The following CAMK4 variants were observed in gnomAD, a reference collection of about 807,000 sequenced individuals.
CAMK4 encodes the protein calcium/calmodulin dependent protein kinase IV.
In CAMK4, 22 loss-of-function variants were observed where a neutral mutation model predicts 44.9. The observed-to-expected ratio is 0.49, with a 90% CI of 0.35 to 0.70. CAMK4 has a LOEUF of 0.70. CAMK4 is among the 30% of genes least tolerant of loss of function. CAMK4 has a pLI of 0.01. For missense variants in CAMK4, 498 were observed against 586.8 expected (o/e 0.85, Z 1.56); for synonymous variants, 218 against 215.4 (o/e 1.01, Z -0.11).
chr5:111,265,762 G>C (rs1344057011), intron 1 of CAMK4: 1 of 152,172 alleles, frequency 6.6e-6, no homozygotes, highest in Admixed American at 6.5e-5. Context: ...GAGGGATCCA[G>C]AGAAGGAAGC....
rs1755952751 is a variant in CAMK4, at chr5:111,493,829, C to T, written c.*9363C>T. 6.6e-6 allele frequency: 1 copy of T among 152,070 alleles called. No homozygotes were observed. The highest frequency in any genetic ancestry group is 2.1e-4 in the South Asian group (1 of 4,828). 9.4% of individuals were successfully genotyped at this position (152,070 alleles called of 1,614,324 possible). On this transcript the variant is annotated 3_prime_UTR_variant, in exon 11 of 11. Coordinates refer to ENST00000282356, the MANE Select transcript of CAMK4 (RefSeq NM_001744.6). This position sits in a 1 kb window ranked among gnomAD's most constrained non-coding sequence, Gnocchi z 4.1. The stretch of plus-strand genomic sequence containing the variant: ...TCTTGCCTCTTTATTTCAGATAATG[C>T]CTGTGATTAGTGAATGGCGGCATTA...
intron 1 of CAMK4, among the ~76,000 whole-genome samples, chr5:111,337,080 A>G (rs1237887376): frequency 6.6e-6 from 1 of 151,212 alleles, no homozygotes; most frequent in Admixed American, 6.6e-5. Flanking sequence ...AAATAGTTCT[A>G]TCATGTGAAA....
chr5:111,293,459 T>C (rs1018706998), intron 1 of CAMK4, among the ~76,000 whole-genome samples: 2 of 151,818 alleles, frequency 1.3e-5, no homozygotes, highest in Admixed American at 6.6e-5. Context: ...TGGAGTCTCA[T>C]CCTGTTGCCC....
chr5:111,327,333 T>A (rs1190993100), intron 1 of CAMK4, among the ~76,000 whole-genome samples: 3 of 151,094 alleles, frequency 2.0e-5, no homozygotes, highest in Non-Finnish European at 3.0e-5. Flanking sequence ...GCAAAGGACA[T>A]GAACTCATCA....
chr5:111,482,711 G>T lies in CAMK4; in HGVS notation c.829-74G>T, dbSNP rs923870772. The T allele has an allele frequency of 4.9e-5, 60 of 1,233,630 alleles. No homozygotes were observed. The African/African-American group carries it at 8.1e-4, about 17-fold the overall frequency. 76.4% of individuals were successfully genotyped at this position (1,233,630 alleles called of 1,614,324 possible). ...CTGCTGGGAAATGGAATAAGATCTG[G>T]AAGTTTGTAAGCTGAGGGCAAGCCC... On this transcript the variant is annotated intron_variant, in intron 9 of 10. Coordinates refer to ENST00000282356, the MANE Select transcript of CAMK4 (RefSeq NM_001744.6). The surrounding 1 kb of genome is among the most constrained non-coding windows in gnomAD (Gnocchi z 4.9).
intron 1 of CAMK4, among the ~76,000 whole-genome samples, chr5:111,292,338 G>C (rs1053404637): frequency 5.9e-5 from 9 of 152,010 alleles, no homozygotes; most frequent in African/African-American, 2.2e-4. Context: ...GCCACAGATT[G>C]TTAAATAAAA....
chr5:111,244,257 T>C (rs916521471), intron 1 of CAMK4, among the ~76,000 whole-genome samples: 1 of 152,250 alleles, frequency 6.6e-6, no homozygotes, highest in African/African-American at 2.4e-5. Context: ...CTACCTTGTA[T>C]GTTTTGCTTA....
At chr5:111,358,519 C>T (rs1298073715) in intron 2 of CAMK4, among the ~76,000 whole-genome samples, 1 of 151,360 alleles carries the variant, frequency 6.6e-6, no homozygotes, top group Non-Finnish European at 1.5e-5. Flanking sequence ...GGATGTTTTT[C>T]CCCGACACAA....
intron 5 of CAMK4, among the ~76,000 whole-genome samples, chr5:111,426,861 A>T (rs763620844): frequency 8.5e-5 from 13 of 152,186 alleles, no homozygotes; most frequent in Non-Finnish European, 1.5e-4. Context: ...TTGAGTTTCC[A>T]CAAACCTCAT....
rs1293377641 is a variant in CAMK4 at position 111,316,154 on chromosome 5, T to C, written c.162-27870T>C. On this transcript the variant is annotated intron_variant, in intron 1 of 10. Transcript: ENST00000282356. Reference sequence around the variant, plus strand: ...AATAATTTCTAATCACATCAAAGCTTTGACATGTGGCCTAATACTCTAATC... The same window carrying C: ...AATAATTTCTAATCACATCAAAGCTCTGACATGTGGCCTAATACTCTAATC... 2.0e-5 allele frequency among the ~76,000 whole-genome samples: 3 copies of C among 152,168 alleles called. No individual in the cohort carries two copies. In the East Asian group the frequency reaches 5.8e-4, roughly 29 times the overall value.
intron 9 of CAMK4, among the ~76,000 whole-genome samples, chr5:111,481,314 C>T (rs960728801): frequency 6.6e-6 from 1 of 151,996 alleles, no homozygotes; most frequent in African/African-American, 2.4e-5. Context: ...TATTAGTAGT[C>T]CTGTTCAACG....
At chr5:111,399,272 A>C (rs1752136433) in intron 5 of CAMK4, among the ~76,000 whole-genome samples, 1 of 151,918 alleles carries the variant, frequency 6.6e-6, no homozygotes, top group African/African-American at 2.4e-5. Flanking sequence ...GGAGCTCTTC[A>C]TGTCTTTCTA....
chr5:111,305,151 T>G (rs1385836670), intron 1 of CAMK4, among the ~76,000 whole-genome samples: 3 of 97,876 alleles, frequency 3.1e-5, no homozygotes, highest in Admixed American at 1.1e-4. Context: ...GCAGGAAAGA[T>G]CCAAAATTGA....
rs1440127361 is a variant in CAMK4 at position 111,486,133 on chromosome 5, C to T, written c.*1667C>T. ...GTAGAGGCTGTTGGACCTCAGTAGACATTCTTCTTTTCAATCACAAATCTC... is the reference window on the plus strand; with the variant it reads ...GTAGAGGCTGTTGGACCTCAGTAGATATTCTTCTTTTCAATCACAAATCTC... On this transcript the variant is annotated 3_prime_UTR_variant, in exon 11 of 11. Coordinates refer to ENST00000282356, the MANE Select transcript of CAMK4 (RefSeq NM_001744.6). 6.6e-6 allele frequency: 1 copy of T among 152,068 alleles called. No homozygotes were observed. The highest frequency in any genetic ancestry group is 1.5e-5 in the Non-Finnish European group (1 of 68,006). 9.4% of individuals were successfully genotyped at this position (152,068 alleles called of 1,614,324 possible).
At chr5:111,259,927 G>A (rs1197386244) in intron 1 of CAMK4, among the ~76,000 whole-genome samples, 1 of 152,122 alleles carries the variant, frequency 6.6e-6, no homozygotes, top group Non-Finnish European at 1.5e-5. Flanking sequence ...AAGTGACATC[G>A]AGTGTTTCTG....
chr5:111,387,136 A>G (rs1377362391), intron 4 of CAMK4, among the ~76,000 whole-genome samples: 1 of 152,242 alleles, frequency 6.6e-6, no homozygotes, highest in Non-Finnish European at 1.5e-5. Context: ...AGAGAAATAC[A>G]GCAATAACTA....
At chr5:111,479,247 G>A (rs969803010) in intron 9 of CAMK4, among the ~76,000 whole-genome samples, 1 of 152,082 alleles carries the variant, frequency 6.6e-6, no homozygotes, top group African/African-American at 2.4e-5. Context: ...TATCCTAATA[G>A]TAACGTAAGT....
intron 1 of CAMK4, among the ~76,000 whole-genome samples, chr5:111,234,596 A>T (rs1311175436): frequency 6.6e-6 from 1 of 152,208 alleles, no homozygotes; most frequent in Non-Finnish European, 1.5e-5. Flanking sequence ...GCACTGACCT[A>T]AAGTGTTTTG....
intron 7 of CAMK4, among the ~76,000 whole-genome samples, chr5:111,471,188 C>A (rs1042891205): frequency 1.3e-5 from 2 of 152,178 alleles, no homozygotes; most frequent in African/African-American, 4.8e-5. Flanking sequence ...GATCTGGATG[C>A]AACAGTGTTG....
Sources: gnomAD v4.1 joint callset for allele counts (sites outside exome capture counted in the v4.1 genomes callset) on GRCh38, gnomAD v4.1.1 for gene constraint, Gnocchi (gnomAD v3.1) non-coding constraint, MANE v1.5 for transcripts, NCBI Gene and HGNC (gene_info 2026-07-23, HGNC 2026-07-21) for gene names.